The following CUL9 variants were observed in gnomAD, a reference collection of about 807,000 sequenced individuals.
The protein encoded by CUL9 is cullin-9.
Under a neutral mutation model 272.6 loss-of-function variants are expected in CUL9, and 79 were observed. The ratio of observed to expected loss-of-function variants is 0.29; its 90% CI spans 0.24 to 0.35. The LOEUF (loss-of-function observed/expected upper bound fraction) is 0.35, where lower values mean the gene tolerates loss of function less well. Among genes scored for constraint, CUL9 ranks in the 10% least tolerant of loss-of-function variants. CUL9 has a pLI of 1.00. For missense variants in CUL9, 2,532 were observed against 3,255.6 expected (o/e 0.78, Z 5.41); for synonymous variants, 1,186 against 1,286.5 (o/e 0.92, Z 1.67).
At chr6:43,215,376 C>T (rs775900717) in intron 30 of CUL9, 50 bp downstream of exon 30, 5 of 1,542,606 alleles carry the variant, frequency 3.2e-6, no homozygotes, top group Non-Finnish European at 4.4e-6. Flanking sequence ...GGTGGTCATG[C>T]CAAAGCCAAG....
At position 43,196,797 on chromosome 6, in the gene CUL9, C is replaced by T. The variant is rs1325209748; in HGVS notation, c.2738C>T (p.Thr913Ile). The T allele has an allele frequency of 1.2e-6, 2 of 1,614,092 alleles. No individual in the cohort carries two copies. Among genetic ancestry groups the T allele is most frequent in the African/African-American group, 1.3e-5 (1 of 74,922 alleles). Residue 913 changes from threonine (T) to isoleucine (I), a missense_variant, in exon 11 of 41, where the codon ACA (threonine) becomes ATA (isoleucine). Physicochemically the swap from Thr to Ile is moderately conservative, Grantham distance 89. This residue lies in a region of CUL9 where 2,218 missense variants were observed against 2,788.6 expected (regional missense o/e 0.80). Transcript: ENST00000252050. The stretch of plus-strand genomic sequence containing the variant: ...CCAAGAACAGAACCTATGCCTACCA[C>T]ACGCACCATCCTCATGATGCTTCTC... The part of the protein sequence containing the change: ...IAPRTEPMPT[T>I]RTILMMLLNR...
chr6:43,211,769 AC>A (rs1775522611), intron 26 of CUL9, among the ~76,000 whole-genome samples: 2 of 151,536 alleles, frequency 1.3e-5, no homozygotes, highest in South Asian at 4.2e-4. Flanking sequence ...TCTATTCCCC[AC>A]CCCCAAAATT....
intron 8 of CUL9, 84 bp downstream of exon 8, chr6:43,188,799 G>A (rs918655585): frequency 4.0e-5 from 48 of 1,210,416 alleles, no homozygotes; most frequent in South Asian, 1.6e-4. Flanking sequence ...TTGAGATCAC[G>A]AATTAGAAAA....
chr6:43,204,637 CT>C, intron 21 of CUL9, 98 bp downstream of exon 21: 1 of 1,581,690 alleles, frequency 6.3e-7, no homozygotes, highest in Non-Finnish European at 8.6e-7. Flanking sequence ...TGCTACCGGC[CT>C]TTCCAGGCCC....
chr6:43,206,425 A>G lies in CUL9; in HGVS notation c.5127A>G (p.Pro1709=), dbSNP rs770424114. 6.2e-7 allele frequency: 1 copy of G among 1,614,060 alleles called. No individual in the cohort carries two copies. ...VLSPRCWPVS[P]LCYLYHPRKC... is the part of the protein sequence containing the mutation. Reference sequence around the variant, plus strand: ...CACCACGCTGCTGGCCCGTCTCCCCACTCTGCTACCTGTACCATCCCAGAA... The same window carrying G: ...CACCACGCTGCTGGCCCGTCTCCCCGCTCTGCTACCTGTACCATCCCAGAA... The change falls in exon 26 of 41, where the codon CCA becomes CCG. Residue 1709 remains proline (P), a synonymous_variant. Transcript: ENST00000252050. The surrounding 1 kb of genome is among the most constrained non-coding windows in gnomAD (Gnocchi z 4.8).
intron 8 of CUL9, 53 bp from the exon 9 acceptor site, chr6:43,192,948 G>T: frequency 6.5e-7 from 1 of 1,537,262 alleles, no homozygotes; most frequent in South Asian, 1.1e-5. Context: ...ATGGCTGGGA[G>T]GTCAGGCAAG....
chr6:43,207,572 A>G (rs1191649794), intron 26 of CUL9, among the ~76,000 whole-genome samples: 1 of 151,892 alleles, frequency 6.6e-6, no homozygotes, highest in African/African-American at 2.4e-5. Context: ...ATTACGTATT[A>G]TTTTTATTAT....
intron 4 of CUL9, among the ~76,000 whole-genome samples, 189 bp from the exon 5 acceptor site, chr6:43,186,771 G>A (rs539506982): frequency 8.5e-5 from 13 of 152,248 alleles, no homozygotes; most frequent in African/African-American, 3.1e-4. Context: ...AAGAAAAGAG[G>A]CAGGGCCCAC....
intron 8 of CUL9, 59 bp from the exon 9 acceptor site, chr6:43,192,942 C>T: frequency 6.7e-7 from 1 of 1,502,484 alleles, no homozygotes; most frequent in Non-Finnish European, 9.3e-7. Context: ...GGTGCCATGG[C>T]TGGGAGGTCA....
intron 12 of CUL9, 90 bp downstream of exon 12, chr6:43,198,945 T>C: frequency 5.4e-6 from 8 of 1,488,580 alleles, no homozygotes; most frequent in Non-Finnish European, 5.3e-6. Flanking sequence ...TTTTCTTTTT[T>C]TTTTTTTTGA....
Position 43,206,589 on chromosome 6 carries a change from A to G in CUL9, c.5212+79A>G, listed in dbSNP as rs1036808565. 1.5e-6 allele frequency: 2 copies of G among 1,363,474 alleles called. No homozygotes were observed. Among genetic ancestry groups the G allele is most frequent in the African/African-American group, 2.9e-5 (2 of 69,694 alleles). 84.5% of individuals were successfully genotyped at this position (1,363,474 alleles called of 1,614,324 possible). A position where few individuals can be genotyped will look rare whatever the true frequency, so the allele number is the denominator to read the frequency against. On this transcript the variant is annotated intron_variant, in intron 26 of 40. Transcript: ENST00000252050. This position sits in a 1 kb window ranked among gnomAD's most constrained non-coding sequence, Gnocchi z 4.8. ...GAGAGGAAGAGGAGAGGACCTTTGG[A>G]CAGGATATAGATGTGAAGAAAAATA...
In CUL9 at chr6:43,187,078, C is replaced by A. The variant is rs758198460; in HGVS notation, c.1370C>A (p.Ala457Asp). ...GCAGCTGTGGAGAAGGGGGCAGGGG[C>A]TACTGTGTTGGGCACAGGTGAGCCT... ...ASAAVEKGAG[A>D]TVLGTAFPSW... Residue 457 changes from alanine to aspartate, a missense_variant, in exon 5 of 41, where the codon GCT becomes GAT. By Grantham distance (126) the Ala-to-Asp change is moderately radical. This residue lies in a region of CUL9 where 2,218 missense variants were observed against 2,788.6 expected (regional missense o/e 0.80). Transcript: ENST00000252050. 6.2e-6 allele frequency: 10 copies of A among 1,613,912 alleles called. No individual in the cohort carries two copies. The South Asian group carries it at 1.1e-4, about 18-fold the overall frequency.
At position 43,200,108 on chromosome 6, in the gene CUL9, A is replaced by C. The variant is rs1774385788; in HGVS notation, c.3336A>C (p.Ala1112=). Residue 1112 remains alanine, a synonymous_variant, in exon 14 of 41, where the codon GCA becomes GCC. Transcript: ENST00000252050. The surrounding 1 kb of genome is among the most constrained non-coding windows in gnomAD (Gnocchi z 4.0). The part of the protein sequence containing the change: ...RDLVTECEKY[A]QLYSNLTSSI... ...TGGTGACAGAGTGTGAGAAGTACGCACAGCTCTATAGCAACCTCACCTCCA... is the reference window on the plus strand; with the variant it reads ...TGGTGACAGAGTGTGAGAAGTACGCCCAGCTCTATAGCAACCTCACCTCCA... The C allele has an allele frequency of 6.2e-7, 1 of 1,614,150 alleles. No individual in the cohort carries two copies. Among genetic ancestry groups the C allele is most frequent in the Non-Finnish European group, 8.5e-7 (1 of 1,180,004 alleles).
At chr6:43,222,714 C>T (rs939499673) in intron 37 of CUL9, 65 bp from the exon 38 acceptor site, 31 of 1,604,590 alleles carry the variant, frequency 1.9e-5, no homozygotes, top group East Asian at 1.6e-4. Context: ...CTGCTTTCAT[C>T]GGACTTGCCT....
chr6:43,203,096 C>A lies in CUL9; in HGVS notation c.3754-13C>A. On this transcript the variant is annotated splice_polypyrimidine_tract_variant and intron_variant, in intron 17 of 40. Transcript: ENST00000252050. The surrounding 1 kb of genome is among the most constrained non-coding windows in gnomAD (Gnocchi z 5.0). ...GGTGACAGTTCTCTCCCTCTTCTCC[C>A]CTGCCCTACCAGGTGAATGTGATGC... 6.2e-7 allele frequency: 1 copy of A among 1,612,684 alleles called. No individual in the cohort carries two copies. The highest frequency in any genetic ancestry group is 1.1e-5 in the South Asian group (1 of 91,014).
At position 43,186,424 on chromosome 6, in the gene CUL9, G is replaced by A. The variant is rs775465913; in HGVS notation, c.1220G>A (p.Arg407Gln). The stretch of plus-strand genomic sequence containing the variant: ...AGTGCTGGGGACGAGGGCGAGTTCC[G>A]GCAGAGCAACAACGGCATTCCCCCT... ...EISAGDEGEF[R>Q]QSNNGIPPVQ... Residue 407 changes from arginine to glutamine, a missense_variant, in exon 4 of 41, where the codon CGG (arginine) becomes CAG (glutamine). This residue lies in a region of CUL9 where 2,218 missense variants were observed against 2,788.6 expected (regional missense o/e 0.80). Coordinates refer to ENST00000252050, the MANE Select transcript of CUL9 (RefSeq NM_015089.4). 35 of 1,600,748 alleles carry A rather than the reference G, an allele frequency of 2.2e-5. No homozygotes were observed. The highest frequency in any genetic ancestry group is 3.4e-5 in the Admixed American group (2 of 59,676).
Position 43,215,143 on chromosome 6 carries a change from G to T in CUL9, c.5753G>T (p.Gly1918Val), listed in dbSNP as rs762506886. 1.2e-6 allele frequency: 2 copies of T among 1,614,170 alleles called. No individual in the cohort carries two copies. The highest frequency in any genetic ancestry group is 1.7e-6 in the Non-Finnish European group (2 of 1,180,024). The change falls in exon 30 of 41, where the codon GGT (glycine) becomes GTT (valine). Residue 1918 changes from glycine to valine, a missense_variant. Around this residue, in one of 3 missense-constraint regions of CUL9, gnomAD observed 2,218 missense variants for 2,788.6 expected, o/e 0.80. Transcript: ENST00000252050. The stretch of plus-strand genomic sequence containing the variant: ...ACCCTGGGCCACACTGTTGCTGGGG[G>T]TGTGGCCTGTACCAGTACAGATGTC... ...PGTLGHTVAG[G>V]VACTSTDVLS...
At chr6:43,211,949 G>A (rs1484306039) in intron 26 of CUL9, among the ~76,000 whole-genome samples, 2 of 152,130 alleles carry the variant, frequency 1.3e-5, no homozygotes, top group African/African-American at 2.4e-5. Context: ...CAAGGTCCAC[G>A]CATTGCATTT....
intron 3 of CUL9, 46 bp downstream of exon 3, chr6:43,185,656 A>AAGGG: frequency 6.4e-7 from 1 of 1,573,304 alleles, no homozygotes; most frequent in Non-Finnish European, 8.6e-7. Context: ...GGGCTAAGAC[A>AAGGG]TTATTTATGA....
Sources: gnomAD v4.1 joint callset for allele counts (sites outside exome capture counted in the v4.1 genomes callset) on GRCh38, gnomAD v4.1.1 for gene constraint, gnomAD v4.1.1 regional missense constraint, Gnocchi (gnomAD v3.1) non-coding constraint, MANE v1.5 for transcripts, NCBI Gene and HGNC (gene_info 2026-07-23, HGNC 2026-07-21) for gene names.